The following FBXL7 variants were observed in gnomAD, a reference collection of about 807,000 sequenced individuals.
FBXL7 encodes F-box and leucine rich repeat protein 7.
A neutral mutation model predicts 38.3 loss-of-function variants in FBXL7; 12 were observed. That is an observed-to-expected ratio of 0.31 (90% CI 0.20 to 0.51). The LOEUF (loss-of-function observed/expected upper bound fraction) is 0.51. Ranked by LOEUF, FBXL7 falls within the 20% of genes least tolerant of loss-of-function variation. The pLI, the probability that FBXL7 is intolerant of heterozygous loss-of-function variation, is 0.98. For synonymous variants in FBXL7, 297 were observed against 300.9 expected, an observed-to-expected ratio of 0.99 and a Z score of 0.13; for missense variants, 567 against 676.4, an observed-to-expected ratio of 0.84 and a Z score of 1.79.
chr5:15,755,550 A>G (rs536423506), intron 2 of FBXL7, among the ~76,000 whole-genome samples: 17 of 152,334 alleles, frequency 1.1e-4, no homozygotes, highest in African/African-American at 3.8e-4. Flanking sequence ...CTGCACACCA[A>G]CAATTATATC....
Position 15,735,219 on chromosome 5 carries a change from C to T in FBXL7, c.127+119147C>T, listed in dbSNP as rs544950868. Among the ~76,000 whole-genome samples, 20 of 152,286 alleles carry T rather than the reference C, an allele frequency of 1.3e-4. 1 individual carries two copies. Among genetic ancestry groups the T allele is most frequent in the African/African-American group, 3.9e-4 (16 of 41,550 alleles). ...AAGTGCTGGGAGTATAGGCATGAGC[C>T]GCTGTGAAGTTTATTTTTTAAAATC... On this transcript the variant is annotated intron_variant, in intron 2 of 3. Transcript: ENST00000504595.
At chr5:15,523,484 G>A (rs1049647558) in intron 1 of FBXL7, among the ~76,000 whole-genome samples, 29 of 152,004 alleles carry the variant, frequency 1.9e-4, no homozygotes, top group Non-Finnish European at 2.9e-4. Flanking sequence ...GCGTGAACCC[G>A]GGAGGTGGAG....
chr5:15,622,248 C>G (rs1740674731), intron 2 of FBXL7, among the ~76,000 whole-genome samples: 2 of 150,984 alleles, frequency 1.3e-5, no homozygotes, highest in Admixed American at 6.6e-5. Context: ...CAGGACTTTT[C>G]TTTTTTATTT....
At chr5:15,677,481 A>AGC (rs1742700984) in intron 2 of FBXL7, among the ~76,000 whole-genome samples, 3 of 151,180 alleles carry the variant, frequency 2.0e-5, no homozygotes, top group South Asian at 2.1e-4. Flanking sequence ...AGAAAGAGAG[A>AGC]GAGAGAGAGA....
chr5:15,606,776 C>T (rs1740039745), intron 1 of FBXL7: 1 of 152,228 alleles, frequency 6.6e-6, no homozygotes. Flanking sequence ...GACACTGTCT[C>T]ATGTTTTTTG....
At chr5:15,699,216 C>T (rs1743445334) in intron 2 of FBXL7, among the ~76,000 whole-genome samples, 1 of 152,146 alleles carries the variant, frequency 6.6e-6, no homozygotes, top group African/African-American at 2.4e-5. Context: ...GCTACCGAAA[C>T]AAAGTACCAT....
At position 15,918,931 on chromosome 5, in the gene FBXL7, C is replaced by T. The variant is rs192805641; in HGVS notation, c.128-8959C>T. 6.0e-4 allele frequency among the ~76,000 whole-genome samples: 91 copies of T among 152,280 alleles called. No homozygotes were observed. The Middle Eastern group carries it at 0.01, about 17-fold the overall frequency. ...CATTTCTACTTTATCACAACTAATG[C>T]CTTAAGTAGGTTCTAGGTTGTGTAG... On this transcript the variant is annotated intron_variant, in intron 2 of 3. Transcript: ENST00000504595.
chr5:15,776,922 TTAATA>T (rs1345267605), intron 2 of FBXL7, among the ~76,000 whole-genome samples: 2 of 152,154 alleles, frequency 1.3e-5, no homozygotes, highest in Non-Finnish European at 1.5e-5. Context: ...CATATATATC[TTAATA>T]TAACACTGTG....
chr5:15,862,738 G>A (rs546794125), intron 2 of FBXL7, among the ~76,000 whole-genome samples: 87 of 152,330 alleles, frequency 5.7e-4, no homozygotes, highest in Non-Finnish European at 1.0e-3. Flanking sequence ...GCAGCTGGAT[G>A]ATGTGGCAGT....
At chr5:15,625,482 G>A (rs536897321) in intron 2 of FBXL7, among the ~76,000 whole-genome samples, 3 of 152,046 alleles carry the variant, frequency 2.0e-5, no homozygotes, top group East Asian at 1.9e-4. Context: ...GTGAAACCCC[G>A]TCTCTACTAA....
At chr5:15,764,849 G>C (rs183495920) in intron 2 of FBXL7, among the ~76,000 whole-genome samples, 93 of 152,354 alleles carry the variant, frequency 6.1e-4, no homozygotes, top group Middle Eastern at 6.8e-3. Context: ...TAGAGCAGAA[G>C]TTTACAAGCT....
chr5:15,799,406 G>A (rs944693917), intron 2 of FBXL7, among the ~76,000 whole-genome samples: 2 of 110,776 alleles, frequency 1.8e-5, no homozygotes, highest in Non-Finnish European at 3.5e-5. Context: ...TTGTTCCCCA[G>A]GCTTGAGTAC....
chr5:15,764,102 A>G (rs1237019385), intron 2 of FBXL7, among the ~76,000 whole-genome samples: 1 of 152,220 alleles, frequency 6.6e-6, no homozygotes, highest in East Asian at 1.9e-4. Context: ...AAAAAGCTTT[A>G]CTATTTATCT....
At chr5:15,895,564 T>C (rs1473504904) in intron 2 of FBXL7, among the ~76,000 whole-genome samples, 10 of 151,332 alleles carry the variant, frequency 6.6e-5, no homozygotes, top group Non-Finnish European at 1.5e-4. Context: ...CGTGAACATC[T>C]CCAATTATTT....
At chr5:15,595,657 G>A (rs1739606411) in intron 1 of FBXL7, among the ~76,000 whole-genome samples, 1 of 152,060 alleles carries the variant, frequency 6.6e-6, no homozygotes, top group Non-Finnish European at 1.5e-5. Flanking sequence ...GAAAATCTGG[G>A]ATACCATTTT....
chr5:15,890,139 G>A lies in FBXL7; in HGVS notation c.128-37751G>A, dbSNP rs558320777. Among the ~76,000 whole-genome samples the A allele has an allele frequency of 7.2e-5, 11 of 152,132 alleles. No individual in the cohort carries two copies. The South Asian group carries it at 8.3e-4, about 12-fold the overall frequency. ...AGCCCCTGGGCCACAGACCACTACC[G>A]GTCTGTGGCCAGTTAGGAACTGGGC... is the stretch of plus-strand genomic sequence containing the variant. On this transcript the variant is annotated intron_variant, in intron 2 of 3. Transcript: ENST00000504595.
intron 1 of FBXL7, among the ~76,000 whole-genome samples, chr5:15,610,430 C>A (rs1242987133): frequency 6.6e-6 from 1 of 152,204 alleles, no homozygotes; most frequent in African/African-American, 2.4e-5. Context: ...CTGACATTCT[C>A]ACTCTTGATT....
At chr5:15,559,154 A>G (rs2126434350) in intron 1 of FBXL7, among the ~76,000 whole-genome samples, 1 of 152,348 alleles carries the variant, frequency 6.6e-6, no homozygotes, top group African/African-American at 2.4e-5. Context: ...AAAGATGGAA[A>G]CTAAGGACAT....
intron 1 of FBXL7, among the ~76,000 whole-genome samples, chr5:15,576,044 A>G (rs1738951115): frequency 6.6e-6 from 1 of 150,734 alleles, no homozygotes; most frequent in Non-Finnish European, 1.5e-5. Context: ...AATAATGTCA[A>G]AAGTAATGGT....
Sources: gnomAD v4.1 joint callset for allele counts (sites outside exome capture counted in the v4.1 genomes callset) on GRCh38, gnomAD v4.1.1 for gene constraint, MANE v1.5 for transcripts, NCBI Gene and HGNC (gene_info 2026-07-23, HGNC 2026-07-21) for gene names.